Variants in CHCHD6 observed in about 807,000 individuals in gnomAD.
CHCHD6 encodes coiled-coil-helix-coiled-coil-helix domain containing 6.
CHCHD6 carries 28 observed loss-of-function variants against 32.3 expected under a neutral mutation model. The observed-to-expected ratio is 0.87, with a 90% confidence interval of 0.64 to 1.19. The LOEUF is 1.19. CHCHD6 is among the 50% of genes most tolerant of loss of function. The pLI is 0.00. For synonymous variants in CHCHD6, 122 were observed against 117.5 expected, an observed-to-expected ratio of 1.04 and a Z score of -0.25; for missense variants, 333 against 307.0, an observed-to-expected ratio of 1.08 and a Z score of -0.63.
rs574461485 is a variant in CHCHD6, at chr3:126,857,837, C to T, written c.495+5107C>T. The stretch of plus-strand genomic sequence containing the variant: ...GCAAGGATGTGGTTTAACCTAAACT[C>T]TGAGACACCATTGGTGGAGTGTAAG... On this transcript the variant is annotated intron_variant, in intron 5 of 7. Transcript: ENST00000290913. Among the ~76,000 whole-genome samples the T allele has an allele frequency of 1.2e-3, 190 of 152,376 alleles. 4 individuals carry two copies. The South Asian group carries it at 0.039, about 31-fold the overall frequency.
chr3:126,868,150 G>C (rs1942351187), intron 5 of CHCHD6, among the ~76,000 whole-genome samples: 1 of 152,210 alleles, frequency 6.6e-6, no homozygotes. Context: ...ACATGTGGTG[G>C]CATAACCTAA....
At chr3:126,841,164 A>G (rs1160353074) in intron 4 of CHCHD6, among the ~76,000 whole-genome samples, 1 of 151,834 alleles carries the variant, frequency 6.6e-6, no homozygotes, top group Non-Finnish European at 1.5e-5. Context: ...TTGTTCTTGC[A>G]ATAGCTCACT....
chr3:126,727,323 G>T, intron 2 of CHCHD6, 137 bp downstream of exon 2: 1 of 499,988 alleles, frequency 2.0e-6, no homozygotes, highest in Non-Finnish European at 3.5e-6. Flanking sequence ...TCTGGTAAGG[G>T]CTTTCCGGAA....
intron 1 of CHCHD6, among the ~76,000 whole-genome samples, chr3:126,709,856 A>G (rs892249844): frequency 1.3e-5 from 2 of 152,216 alleles, no homozygotes; most frequent in East Asian, 1.9e-4. Flanking sequence ...TTGTTAAGCT[A>G]TAAGATATCT....
At chr3:126,780,409 G>A in intron 4 of CHCHD6, 1 of 390,990 alleles carries the variant, frequency 2.6e-6, no homozygotes, top group Non-Finnish European at 5.0e-6. Context: ...CAATCTTCCA[G>A]CCGCCTGGCT....
chr3:126,894,950 G>T (rs2077817071), intron 5 of CHCHD6, among the ~76,000 whole-genome samples: 1 of 152,174 alleles, frequency 6.6e-6, no homozygotes, highest in South Asian at 2.1e-4. Flanking sequence ...CCTCTTTTCT[G>T]CCAACCCCTT....
intron 4 of CHCHD6, among the ~76,000 whole-genome samples, chr3:126,777,765 A>G (rs1937719700): frequency 6.6e-6 from 1 of 152,250 alleles, no homozygotes; most frequent in Admixed American, 6.5e-5. Flanking sequence ...TTATTTTAAC[A>G]GCTTTATTAA....
chr3:126,928,488 G>A (rs1170319945), intron 6 of CHCHD6, among the ~76,000 whole-genome samples: 1 of 152,144 alleles, frequency 6.6e-6, no homozygotes, highest in African/African-American at 2.4e-5. Context: ...CCCCAGTGCA[G>A]GCTGGCCGCA....
chr3:126,903,124 G>A (rs192371118), intron 5 of CHCHD6, among the ~76,000 whole-genome samples: 30 of 152,334 alleles, frequency 2.0e-4, no homozygotes, highest in Non-Finnish European at 2.6e-4. Context: ...CTGTCAGGAG[G>A]ACTGAGCATC....
At chr3:126,830,344 C>A (rs757735818) in intron 4 of CHCHD6, among the ~76,000 whole-genome samples, 35 of 152,264 alleles carry the variant, frequency 2.3e-4, no homozygotes, top group Non-Finnish European at 4.4e-4. Flanking sequence ...CTCTTTAGAG[C>A]CTCTTAGGGT....
At chr3:126,898,258 T>C (rs966575257) in intron 5 of CHCHD6, among the ~76,000 whole-genome samples, 5 of 152,174 alleles carry the variant, frequency 3.3e-5, no homozygotes, top group African/African-American at 1.2e-4. Flanking sequence ...CTTGGGAAAG[T>C]TTGTTTTGTT....
chr3:126,873,702 A>G (rs2077505829), intron 5 of CHCHD6, among the ~76,000 whole-genome samples: 1 of 152,158 alleles, frequency 6.6e-6, no homozygotes, highest in South Asian at 2.1e-4. Flanking sequence ...TGGCCTTGAC[A>G]TTCTCTTCCA....
At chr3:126,903,467 A>G (rs1413911522) in intron 5 of CHCHD6, among the ~76,000 whole-genome samples, 1 of 152,246 alleles carries the variant, frequency 6.6e-6, no homozygotes, top group Non-Finnish European at 1.5e-5. Flanking sequence ...AAGACCCTGT[A>G]CAATCTTATT....
chr3:126,863,357 CCATCACCACCTCCTCCTCCTCCTCT>C (rs1942038328), intron 5 of CHCHD6, among the ~76,000 whole-genome samples: 11 of 121,298 alleles, frequency 9.1e-5, no homozygotes, highest in South Asian at 3.1e-4. Flanking sequence ...TCCTCCTCTA[CCATCACCACCTCCTCCTCCTCCTCT>C]ACCATCACCA....
intron 5 of CHCHD6, among the ~76,000 whole-genome samples, chr3:126,865,214 CTCCTCCACCACCACCTCCATT>C (rs1942248077): frequency 6.7e-6 from 1 of 149,676 alleles, no homozygotes; most frequent in Admixed American, 6.6e-5. Context: ...CCTCCTCCTC[CTCCTCCACCACCACCTCCATT>C]TCCACCAACT....
At chr3:126,820,371 G>A (rs540870440) in intron 4 of CHCHD6, among the ~76,000 whole-genome samples, 2 of 152,264 alleles carry the variant, frequency 1.3e-5, no homozygotes, top group East Asian at 1.9e-4. Context: ...GGTTCCTGAG[G>A]ACCCTCTTCT....
At chr3:126,707,842 C>A (rs1329779552) in intron 1 of CHCHD6, among the ~76,000 whole-genome samples, 2 of 152,256 alleles carry the variant, frequency 1.3e-5, no homozygotes, top group Non-Finnish European at 2.9e-5. Flanking sequence ...GAGCGCTGCA[C>A]CTGCAACTGC....
chr3:126,796,375 A>C (rs1360187694), intron 4 of CHCHD6, among the ~76,000 whole-genome samples: 1 of 152,162 alleles, frequency 6.6e-6, no homozygotes, highest in African/African-American at 2.4e-5. Flanking sequence ...AATTCAAATC[A>C]GTGAAATCAG....
chr3:126,859,817 A>C lies in CHCHD6; in HGVS notation c.495+7087A>C, dbSNP rs141557788. On this transcript the variant is annotated intron_variant, in intron 5 of 7. Coordinates refer to ENST00000290913, the MANE Select transcript of CHCHD6 (RefSeq NM_032343.3). ...GTGAGTGGAGAAGAGTCCAGGAAGA[A>C]TGTGGTTGGCAGTGCCAAATGCTGC... 7.6e-3 allele frequency among the ~76,000 whole-genome samples: 1,158 copies of C among 152,286 alleles called. 8 individuals are homozygous for C. The highest frequency in any genetic ancestry group is 0.068 in the Middle Eastern group (20 of 294).
Sources: allele counts gnomAD v4.1 joint callset (sites outside exome capture counted in the v4.1 genomes callset), GRCh38; gene constraint gnomAD v4.1.1; transcripts MANE v1.5; gene names NCBI Gene and HGNC (gene_info 2026-07-23, HGNC 2026-07-21).